The following MGAT4C variants were observed in gnomAD, a reference collection of about 807,000 sequenced individuals.
The protein encoded by MGAT4C is MGAT4 family member C.
In MGAT4C, 19 loss-of-function variants were observed where a neutral mutation model predicts 40.1. The ratio of observed to expected loss-of-function variants is 0.47; its 90% confidence interval spans 0.33 to 0.70. The LOEUF (loss-of-function observed/expected upper bound fraction) is 0.70. MGAT4C is among the 30% of genes least tolerant of loss of function. MGAT4C has a pLI of 0.02. For missense variants in MGAT4C, 491 were observed against 563.2 expected, an observed-to-expected ratio of 0.87 and a Z score of 1.30; for synonymous variants, 181 against 187.1, an observed-to-expected ratio of 0.97 and a Z score of 0.27.
At chr12:86,048,940 A>G (rs1401344333) in intron 2 of MGAT4C, among the ~76,000 whole-genome samples, 1 of 152,046 alleles carries the variant, frequency 6.6e-6, no homozygotes, top group African/African-American at 2.4e-5. Context: ...CTGACAATCT[A>G]GATTCACAAT....
intron 2 of MGAT4C, among the ~76,000 whole-genome samples, chr12:86,720,947 G>A (rs1225152204): frequency 2.0e-5 from 3 of 152,110 alleles, no homozygotes; most frequent in Non-Finnish European, 4.4e-5. Flanking sequence ...TGAGCAATAA[G>A]TTGTATACTC....
chr12:86,365,298 T>G (rs1025740546), intron 3 of MGAT4C, among the ~76,000 whole-genome samples: 3 of 152,292 alleles, frequency 2.0e-5, no homozygotes, highest in African/African-American at 7.2e-5. Context: ...AACATTGCTG[T>G]TATCCTGTTC....
intron 2 of MGAT4C, among the ~76,000 whole-genome samples, chr12:86,702,826 T>C (rs906220265): frequency 2.0e-5 from 3 of 152,188 alleles, no homozygotes; most frequent in Non-Finnish European, 2.9e-5. Flanking sequence ...TCAAGTCTTA[T>C]TATTTAAGAA....
intron 2 of MGAT4C, among the ~76,000 whole-genome samples, chr12:86,437,880 C>T (rs1350848425): frequency 6.6e-6 from 1 of 151,900 alleles, no homozygotes; most frequent in Non-Finnish European, 1.5e-5. Flanking sequence ...CACTGACCAG[C>T]TGTTACTCAT....
intron 2 of MGAT4C, among the ~76,000 whole-genome samples, chr12:86,648,183 G>T (rs1160417573): frequency 6.6e-6 from 1 of 151,782 alleles, no homozygotes; most frequent in Non-Finnish European, 1.5e-5. Context: ...TGTAAATTTA[G>T]TCTAGAAACA....
intron 4 of MGAT4C, among the ~76,000 whole-genome samples, chr12:86,303,709 A>G (rs1953869079): frequency 6.6e-6 from 1 of 150,562 alleles, no homozygotes; most frequent in African/African-American, 2.5e-5. Context: ...TACCTTCTGT[A>G]TACAGAAACA....
chr12:86,316,486 C>A (rs1392466066), intron 4 of MGAT4C, among the ~76,000 whole-genome samples: 1 of 152,096 alleles, frequency 6.6e-6, no homozygotes, highest in Non-Finnish European at 1.5e-5. Flanking sequence ...CAACAGTGAA[C>A]TGAATAAAGA....
chr12:86,131,858 C>T (rs1881236187), intron 1 of MGAT4C, among the ~76,000 whole-genome samples: 1 of 151,964 alleles, frequency 6.6e-6, no homozygotes. Flanking sequence ...ATTATTATAG[C>T]AGCCATAATT....
intron 1 of MGAT4C, among the ~76,000 whole-genome samples, chr12:86,120,170 A>AAT (rs1014541517): frequency 2.6e-5 from 4 of 151,264 alleles, no homozygotes; most frequent in Admixed American, 1.3e-4. Flanking sequence ...AAGAGAAAAA[A>AAT]ATATATATAT....
At chr12:86,467,389 G>A (rs1957696965) in intron 2 of MGAT4C, among the ~76,000 whole-genome samples, 1 of 152,158 alleles carries the variant, frequency 6.6e-6, no homozygotes, top group Non-Finnish European at 1.5e-5. Flanking sequence ...ACACCATGGA[G>A]TAGGTCCACG....
chr12:86,310,038 AT>A (rs1287487724), intron 4 of MGAT4C, among the ~76,000 whole-genome samples: 4 of 152,172 alleles, frequency 2.6e-5, no homozygotes, highest in Non-Finnish European at 5.9e-5. Flanking sequence ...TATTAAAAAA[AT>A]AAATAATAGA....
chr12:86,540,502 C>T (rs1056686673), intron 2 of MGAT4C, among the ~76,000 whole-genome samples: 1 of 152,174 alleles, frequency 6.6e-6, no homozygotes, highest in African/African-American at 2.4e-5. Flanking sequence ...CTTTGTGAGG[C>T]CGAGACATGC....
At chr12:86,341,240 C>A (rs983596025) in intron 3 of MGAT4C, among the ~76,000 whole-genome samples, 1 of 152,090 alleles carries the variant, frequency 6.6e-6, no homozygotes, top group Non-Finnish European at 1.5e-5. Context: ...ATGAGCCACC[C>A]CAGGAAACTA....
chr12:86,621,179 A>G (rs1262201198), intron 2 of MGAT4C, among the ~76,000 whole-genome samples: 1 of 152,210 alleles, frequency 6.6e-6, no homozygotes, highest in African/African-American at 2.4e-5. Flanking sequence ...AAAAAATAGT[A>G]CACATTCAAA....
exon 1 of MGAT4C, chr12:86,838,736 C>G (rs532074056): frequency 6.6e-6 from 1 of 152,240 alleles, no homozygotes; most frequent in South Asian, 2.1e-4. Flanking sequence ...CTATTGCCCG[C>G]AAAGCCATGA....
At chr12:86,817,535 TA>T (rs1215385612) in intron 1 of MGAT4C, among the ~76,000 whole-genome samples, 1 of 151,526 alleles carries the variant, frequency 6.6e-6, no homozygotes, top group Non-Finnish European at 1.5e-5. Context: ...TCTATGGTTT[TA>T]AAAATTGTTC....
intron 1 of MGAT4C, among the ~76,000 whole-genome samples, chr12:86,100,440 G>C (rs1356853492): frequency 2.0e-5 from 3 of 151,114 alleles, no homozygotes; most frequent in East Asian, 3.9e-4. Flanking sequence ...CAACATTCAA[G>C]GTTAATGATT....
intron 1 of MGAT4C, among the ~76,000 whole-genome samples, chr12:86,757,376 C>A (rs1415949709): frequency 6.6e-6 from 1 of 152,032 alleles, no homozygotes; most frequent in Admixed American, 6.6e-5. Context: ...ACAAAAAATT[C>A]TATATAAATT....
At chr12:86,243,553 C>T (rs1232683756) in intron 1 of MGAT4C, among the ~76,000 whole-genome samples, 2 of 152,206 alleles carry the variant, frequency 1.3e-5, no homozygotes, top group African/African-American at 4.8e-5. Context: ...GATTCTCCTG[C>T]TGGCTTTGAA....
Sources: gnomAD v4.1 joint callset for allele counts (sites outside exome capture counted in the v4.1 genomes callset) on GRCh38, gnomAD v4.1.1 for gene constraint, MANE v1.5 for transcripts, NCBI Gene and HGNC (gene_info 2026-07-23, HGNC 2026-07-21) for gene names.